VRK2: variants seen among roughly 807,000 people sequenced by gnomAD.
VRK2 encodes serine/threonine-protein kinase VRK2.
A neutral mutation model predicts 57.6 loss-of-function variants in VRK2; 60 were observed. The ratio of observed to expected loss-of-function variants is 1.04; its 90% CI spans 0.85 to 1.29. The LOEUF (loss-of-function observed/expected upper bound fraction) is 1.29, where lower values mean the gene tolerates loss of function less well. Ranked by LOEUF, VRK2 falls within the 50% of genes most tolerant of loss-of-function variation. The pLI is 0.00. For missense variants in VRK2, 705 were observed against 588.1 expected, an observed-to-expected ratio of 1.20 and a Z score of -2.06; for synonymous variants, 231 against 199.2, an observed-to-expected ratio of 1.16 and a Z score of -1.35.
At chr2:58,014,688 A>T (rs1385902766) in intron 1 of VRK2, among the ~76,000 whole-genome samples, 2 of 152,214 alleles carry the variant, frequency 1.3e-5, no homozygotes, top group Non-Finnish European at 2.9e-5. Context: ...TTCAAAGATG[A>T]ATACGGCATG....
intron 9 of VRK2, among the ~76,000 whole-genome samples, chr2:58,133,167 A>T (rs1304872575): frequency 6.6e-6 from 1 of 152,142 alleles, no homozygotes; most frequent in Non-Finnish European, 1.5e-5. Flanking sequence ...ACTTTTTATC[A>T]ATATGCATAT....
chr2:58,024,546 T>C (rs1356009811), intron 1 of VRK2, among the ~76,000 whole-genome samples: 2 of 152,178 alleles, frequency 1.3e-5, no homozygotes, highest in African/African-American at 4.8e-5. Flanking sequence ...ACAATACTGT[T>C]TATTTTTGGT....
At chr2:58,016,931 T>C (rs532136058) in intron 1 of VRK2, among the ~76,000 whole-genome samples, 2 of 152,230 alleles carry the variant, frequency 1.3e-5, no homozygotes, top group South Asian at 2.1e-4. Context: ...CTTTACGGAG[T>C]CTGACATTTT....
At chr2:57,980,919 G>A (rs138678830) in intron 1 of VRK2, among the ~76,000 whole-genome samples, 8 of 151,978 alleles carry the variant, frequency 5.3e-5, no homozygotes, top group African/African-American at 1.9e-4. Flanking sequence ...TGAGCCTATG[G>A]GTGTCATTGC....
At chr2:58,072,677 A>AT (rs1343744068) in intron 2 of VRK2, among the ~76,000 whole-genome samples, 1 of 151,096 alleles carries the variant, frequency 6.6e-6, no homozygotes, top group African/African-American at 2.4e-5. Flanking sequence ...TTTGTTGAGG[A>AT]TTTTTTTATC....
chr2:58,100,331 C>A (rs963789175), intron 7 of VRK2, among the ~76,000 whole-genome samples: 2 of 151,826 alleles, frequency 1.3e-5, no homozygotes, highest in Non-Finnish European at 2.9e-5. Flanking sequence ...TTAATCACTT[C>A]TATATATAAA....
intron 1 of VRK2, among the ~76,000 whole-genome samples, chr2:57,994,478 G>T (rs145780559): frequency 4.7e-4 from 72 of 152,196 alleles, no homozygotes; most frequent in African/African-American, 1.7e-3. Flanking sequence ...AAAATAACTG[G>T]CCAATCTCCA....
At chr2:58,130,407 T>A (rs1232486368) in intron 8 of VRK2, among the ~76,000 whole-genome samples, 1 of 152,158 alleles carries the variant, frequency 6.6e-6, no homozygotes, top group Non-Finnish European at 1.5e-5. Context: ...TTTATTTTAA[T>A]ATGAGAGCCA....
intron 1 of VRK2, among the ~76,000 whole-genome samples, chr2:58,014,170 C>T (rs1202568921): frequency 6.6e-6 from 1 of 151,986 alleles, no homozygotes; most frequent in East Asian, 1.9e-4. Flanking sequence ...AATTGGTGCA[C>T]CAACTCGGGA....
chr2:58,064,360 A>G (rs1240461976), intron 2 of VRK2, among the ~76,000 whole-genome samples: 1 of 152,106 alleles, frequency 6.6e-6, no homozygotes, highest in Non-Finnish European at 1.5e-5. Context: ...CAGTCACCGC[A>G]GTCTTCAGCA....
chr2:57,930,441 T>TGGGGAG (rs1418823891), intron 1 of VRK2, among the ~76,000 whole-genome samples: 1 of 152,074 alleles, frequency 6.6e-6, no homozygotes, highest in Admixed American at 6.6e-5. Flanking sequence ...GCCAGGGGAT[T>TGGGGAG]GGGGAGGGGT....
At chr2:57,965,092 G>A (rs1015212651) in intron 1 of VRK2, among the ~76,000 whole-genome samples, 1 of 152,060 alleles carries the variant, frequency 6.6e-6, no homozygotes, top group African/African-American at 2.4e-5. Context: ...TTAAGTTGGT[G>A]CATAATGCAC....
intron 10 of VRK2, among the ~76,000 whole-genome samples, chr2:58,136,467 C>A (rs890255275): frequency 3.3e-5 from 5 of 151,762 alleles, no homozygotes; most frequent in African/African-American, 1.2e-4. Context: ...TCAGTGCAAC[C>A]TCCCCTTCCT....
intron 1 of VRK2, among the ~76,000 whole-genome samples, chr2:57,979,739 G>A (rs371595321): frequency 2.0e-5 from 3 of 152,194 alleles, no homozygotes; most frequent in African/African-American, 7.2e-5. Flanking sequence ...GTCTGTTCAG[G>A]ATTTCAATTT....
intron 1 of VRK2, among the ~76,000 whole-genome samples, chr2:57,928,052 C>T (rs990859924): frequency 6.6e-6 from 1 of 152,030 alleles, no homozygotes; most frequent in South Asian, 2.1e-4. Flanking sequence ...CCTTCTTGTA[C>T]TTGACTTTTG....
chr2:58,152,926 A>G (rs1316883015), intron 12 of VRK2, among the ~76,000 whole-genome samples: 1 of 151,964 alleles, frequency 6.6e-6, no homozygotes, highest in African/African-American at 2.4e-5. Context: ...TTATTAGGAT[A>G]TCACCAATTT....
At chr2:58,093,905 C>T (rs1254605280) in intron 7 of VRK2, among the ~76,000 whole-genome samples, 2 of 152,172 alleles carry the variant, frequency 1.3e-5, no homozygotes, top group Non-Finnish European at 2.9e-5. Context: ...TTCCCAGCAC[C>T]ATTTATTAAA....
intron 2 of VRK2, among the ~76,000 whole-genome samples, chr2:58,081,478 C>CT (rs1670859742): frequency 6.6e-6 from 1 of 151,392 alleles, no homozygotes; most frequent in African/African-American, 2.4e-5. Context: ...TTCTTTAAAC[C>CT]TTTTTTTCTT....
chr2:58,076,130 ATATTT>A (rs1670076640), intron 2 of VRK2, among the ~76,000 whole-genome samples: 1 of 93,374 alleles, frequency 1.1e-5, no homozygotes, highest in Admixed American at 1.2e-4. Context: ...TTTTTGGTCT[ATATTT>A]TATAGCTGTT....
Sources: gnomAD v4.1 joint callset for allele counts (sites outside exome capture counted in the v4.1 genomes callset) on GRCh38, gnomAD v4.1.1 for gene constraint, MANE v1.5 for transcripts, NCBI Gene and HGNC (gene_info 2026-07-23, HGNC 2026-07-21) for gene names.